ZNF831: variants seen among roughly 807,000 people sequenced by gnomAD.
The protein encoded by ZNF831 is chromosome 20 open reading frame 174.
Under a neutral mutation model 95.8 loss-of-function variants are expected in ZNF831, and 59 were observed. That is an observed-to-expected ratio of 0.62 (90% CI 0.50 to 0.77). ZNF831 has a LOEUF of 0.77. Ranked by LOEUF, ZNF831 falls within the 30% of genes least tolerant of loss-of-function variation. The probability of loss-of-function intolerance (pLI) is 0.00; values close to 1 mark genes in which losing one functional copy is unlikely to be tolerated. For synonymous variants in ZNF831, 961 were observed against 925.5 expected (o/e 1.04, Z -0.70); for missense variants, 2,205 against 2,164.0 (o/e 1.02, Z -0.38).
At chr20:59,207,794 C>T (rs1383832670) in intron 4 of ZNF831, among the ~76,000 whole-genome samples, 1 of 152,220 alleles carries the variant, frequency 6.6e-6, no homozygotes, top group African/African-American at 2.4e-5. Flanking sequence ...ATCTGGCCAG[C>T]AGTGCCTGAA....
intron 1 of ZNF831, among the ~76,000 whole-genome samples, chr20:59,176,927 T>C (rs1053344064): frequency 5.3e-5 from 8 of 152,208 alleles, no homozygotes; most frequent in African/African-American, 1.9e-4. Context: ...CGTGGTGCTA[T>C]GTAACATTTT....
At chr20:59,135,377 G>A (rs1430846568) in intron 1 of ZNF831, among the ~76,000 whole-genome samples, 1 of 152,058 alleles carries the variant, frequency 6.6e-6, no homozygotes, top group Non-Finnish European at 1.5e-5. Flanking sequence ...CTTGAGCCCA[G>A]CAGTTTGAGA....
At chr20:59,228,833 C>T (rs1049632947) in intron 4 of ZNF831, among the ~76,000 whole-genome samples, 8 of 152,202 alleles carry the variant, frequency 5.3e-5, no homozygotes. Context: ...TATAAATCTT[C>T]TAGCTATTTT....
rs2146557565 is a variant in ZNF831 at position 59,191,984 on chromosome 20, C to G, written c.965C>G (p.Ala322Gly). 1 of 1,606,932 alleles carries G rather than the reference C, an allele frequency of 6.2e-7. No homozygotes were observed. The highest frequency in any genetic ancestry group is 8.5e-7 in the Non-Finnish European group (1 of 1,177,662). ...GCCCTGCAGCGGCAGCAGGCGACGG[C>G]AGCGGAGAAGCCCTGGGATGCCAAG... ...PCALQRQQAT[A>G]AEKPWDAKAP... The change falls in exon 2 of 6, where the codon GCA (alanine) becomes GGA (glycine). Residue 322 changes from alanine (A) to glycine (G), a missense_variant. Ala to Gly is a moderately conservative substitution (Grantham distance 60). Coordinates refer to ENST00000371030, the MANE Select transcript of ZNF831 (RefSeq NM_178457.3).
rs1346855760 is a variant in ZNF831 at position 59,247,788 on chromosome 20, G to A, written c.4028-5190G>A. 2.6e-5 allele frequency among the ~76,000 whole-genome samples: 4 copies of A among 152,200 alleles called. No homozygotes were observed. In the South Asian group the frequency reaches 8.3e-4, roughly 32 times the overall value. The stretch of plus-strand genomic sequence containing the variant: ...GAATCCACATTCATGGAGTTTTGGT[G>A]TATTGGGACAAACCAAAAGAAATAT... On this transcript the variant is annotated intron_variant, in intron 4 of 5. Coordinates refer to ENST00000371030, the MANE Select transcript of ZNF831 (RefSeq NM_178457.3).
At chr20:59,129,996 G>A (rs777096542) in intron 1 of ZNF831, among the ~76,000 whole-genome samples, 3 of 152,182 alleles carry the variant, frequency 2.0e-5, no homozygotes, top group East Asian at 1.9e-4. Flanking sequence ...CCTGATGGAC[G>A]TTGGACCAGA....
chr20:59,194,815 A>G, intron 2 of ZNF831, 58 bp downstream of exon 2: 1 of 1,491,444 alleles, frequency 6.7e-7, no homozygotes, highest in Non-Finnish European at 8.9e-7. Context: ...TTATCCCGTA[A>G]GACCTCTCAT....
At chr20:59,149,961 T>A (rs1980130128) in intron 2 of ZNF831, among the ~76,000 whole-genome samples, 1 of 152,210 alleles carries the variant, frequency 6.6e-6, no homozygotes, top group Admixed American at 6.5e-5. Context: ...CCAGCCCCCT[T>A]TGCCCCGCCA....
intron 1 of ZNF831, among the ~76,000 whole-genome samples, chr20:59,166,156 A>G (rs759691784): frequency 5.9e-5 from 9 of 152,196 alleles, no homozygotes; most frequent in Non-Finnish European, 1.3e-4. Flanking sequence ...ATATAAGGGT[A>G]CATAAGAAAA....
intron 4 of ZNF831, among the ~76,000 whole-genome samples, chr20:59,243,902 T>G (rs950682208): frequency 5.9e-5 from 9 of 152,202 alleles, no homozygotes; most frequent in African/African-American, 2.2e-4. Context: ...TTCTCCTGAT[T>G]CAATTTTGGC....
At position 59,192,582 on chromosome 20, in the gene ZNF831, G is replaced by A; in HGVS notation, c.1563G>A (p.Glu521=). Residue 521 remains glutamate, a synonymous_variant, in exon 2 of 6, where the codon GAG becomes GAA. Coordinates refer to ENST00000371030, the MANE Select transcript of ZNF831 (RefSeq NM_178457.3). The surrounding 1 kb of genome is among the most constrained non-coding windows in gnomAD (Gnocchi z 5.2). The part of the protein sequence containing the change: ...EGSRTWLEPR[E]PRDPWSRTQK... ...CCAGGACGTGGCTGGAGCCCAGGGA[G>A]CCCCGGGACCCCTGGTCCAGGACGC... is the stretch of plus-strand genomic sequence containing the variant. 1 of 1,514,572 alleles carries A rather than the reference G, an allele frequency of 6.6e-7. No homozygotes were observed. The allele number at this position is 1,514,572 out of a possible 1,614,324, so 93.8% of individuals were successfully genotyped here.
chr20:59,189,823 C>T (rs1287922750), intron 1 of ZNF831, among the ~76,000 whole-genome samples: 1 of 152,172 alleles, frequency 6.6e-6, no homozygotes, highest in Non-Finnish European at 1.5e-5. Context: ...GCTACTACTT[C>T]CGCCACACCC....
chr20:59,192,158 G>C lies in ZNF831; in HGVS notation c.1139G>C (p.Gly380Ala), dbSNP rs1983616046. The C allele has an allele frequency of 6.4e-7, 1 of 1,560,210 alleles. No homozygotes were observed. The highest frequency in any genetic ancestry group is 8.6e-7 in the Non-Finnish European group (1 of 1,159,520). The part of the protein sequence containing the change: ...SAESEGEGGP[G>A]PGPGVAGAEP... ...GAGTCCGAGGGGGAGGGCGGCCCGG[G>C]CCCGGGGCCAGGGGTCGCAGGGGCC... is the stretch of plus-strand genomic sequence containing the variant. Residue 380 changes from glycine to alanine, a missense_variant, in exon 2 of 6, where the codon GGC (glycine) becomes GCC (alanine). By Grantham distance (60) the Gly-to-Ala change is moderately conservative (BLOSUM62 0). Coordinates refer to ENST00000371030, the MANE Select transcript of ZNF831 (RefSeq NM_178457.3). The surrounding 1 kb of genome is among the most constrained non-coding windows in gnomAD (Gnocchi z 5.2).
At chr20:59,180,835 A>G (rs549331752) in intron 1 of ZNF831, among the ~76,000 whole-genome samples, 2 of 152,338 alleles carry the variant, frequency 1.3e-5, no homozygotes, top group East Asian at 3.9e-4. Flanking sequence ...CAATAAACAT[A>G]TGTGTGAATG....
intron 1 of ZNF831, among the ~76,000 whole-genome samples, chr20:59,186,834 A>T (rs574964696): frequency 6.6e-6 from 1 of 152,212 alleles, no homozygotes; most frequent in South Asian, 2.1e-4. Flanking sequence ...GAGGTTCATA[A>T]TGAGACCAGA....
At chr20:59,142,290 A>T (rs1979707708) in intron 1 of ZNF831, among the ~76,000 whole-genome samples, 1 of 152,160 alleles carries the variant, frequency 6.6e-6, no homozygotes, top group Non-Finnish European at 1.5e-5. Context: ...CTGATTCCTC[A>T]TGGTGGGAAG....
intron 1 of ZNF831, among the ~76,000 whole-genome samples, chr20:59,141,603 C>G (rs1979682232): frequency 6.6e-6 from 1 of 152,212 alleles, no homozygotes; most frequent in Non-Finnish European, 1.5e-5. Context: ...CCATGGCCCT[C>G]TCTGGATTAC....
chr20:59,246,866 TCC>T lies in ZNF831; in HGVS notation c.4028-6110_4028-6109del, dbSNP rs1185284149. Among the ~76,000 whole-genome samples the T allele has an allele frequency of 5.9e-5, 9 of 152,342 alleles. No homozygotes were observed. In the South Asian group the frequency reaches 6.2e-4, roughly 11 times the overall value. On this transcript the variant is annotated intron_variant, in intron 4 of 5. Coordinates refer to ENST00000371030, the MANE Select transcript of ZNF831 (RefSeq NM_178457.3). ...TCTTTCTGGTCCTCTCCCCCAACCC[TCC>T]CTGCCTGTGCAGCTGAAGTCGGAGC...
At chr20:59,253,788 A>T (rs1988024463) in intron 5 of ZNF831, 110 bp from the exon 6 acceptor site, 2 of 1,277,732 alleles carry the variant, frequency 1.6e-6, no homozygotes, top group Non-Finnish European at 2.1e-6. Flanking sequence ...GTAAAGAATC[A>T]TTAAGACCTC....
Sources: allele counts gnomAD v4.1 joint callset (sites outside exome capture counted in the v4.1 genomes callset), GRCh38; gene constraint gnomAD v4.1.1; non-coding constraint Gnocchi (gnomAD v3.1); transcripts MANE v1.5; gene names NCBI Gene and HGNC (gene_info 2026-07-23, HGNC 2026-07-21).